The following DENND2B variants were observed in gnomAD, a reference collection of about 807,000 sequenced individuals.
The protein encoded by DENND2B is DENN domain containing 2B.
A neutral mutation model predicts 116.0 loss-of-function variants in DENND2B; 32 were observed. The ratio of observed to expected loss-of-function variants is 0.28; its 90% confidence interval spans 0.21 to 0.37. The LOEUF is 0.37. DENND2B is among the 10% of genes least tolerant of loss of function. The pLI, the probability that DENND2B is intolerant of heterozygous loss-of-function variation, is 1.00. For synonymous variants in DENND2B, 588 were observed against 583.9 expected (o/e 1.01, Z -0.10); for missense variants, 1,276 against 1,477.7 (o/e 0.86, Z 2.24).
intron 1 of DENND2B, among the ~76,000 whole-genome samples, chr11:8,794,424 C>G (rs1010981239): frequency 7.2e-5 from 11 of 152,206 alleles, no homozygotes; most frequent in African/African-American, 2.7e-4. Flanking sequence ...AGCACTGAGG[C>G]TACAGGAGCC....
upstream of DENND2B, among the ~76,000 whole-genome samples, chr11:8,874,434 C>A (rs867728916): frequency 6.6e-6 from 1 of 152,152 alleles, no homozygotes; most frequent in Non-Finnish European, 1.5e-5. Context: ...TATTTTAAAT[C>A]CTGCACTTAA....
At position 8,696,411 on chromosome 11, in the gene DENND2B, G is replaced by A; in HGVS notation, c.3292+16C>T. ...GGTGAAAAAATTAGAGAAGAGAGCT[G>A]ATAACCAAGACTTACCCTTTGCCCG... is the stretch of plus-strand genomic sequence containing the variant. On this transcript the variant is annotated intron_variant, in intron 18 of 19. Coordinates refer to ENST00000313726, the MANE Select transcript of DENND2B (RefSeq NM_213618.2). 6.2e-7 allele frequency: 1 copy of A among 1,613,050 alleles called. No individual in the cohort carries two copies. Among genetic ancestry groups the A allele is most frequent in the Admixed American group, 1.7e-5 (1 of 59,890 alleles).
intron 1 of DENND2B, among the ~76,000 whole-genome samples, chr11:8,751,383 A>G (rs937161626): frequency 1.3e-5 from 2 of 152,190 alleles, no homozygotes; most frequent in African/African-American, 4.8e-5. Flanking sequence ...AGGGAATAAA[A>G]GCAGGCTGCC....
intron 1 of DENND2B, among the ~76,000 whole-genome samples, chr11:8,804,547 C>CTTTTA (rs2060659115): frequency 1.5e-5 from 2 of 129,632 alleles, no homozygotes; most frequent in Admixed American, 1.6e-4. Context: ...GCAGCTACTT[C>CTTTTA]TTTTTTTTTT....
intron 1 of DENND2B, among the ~76,000 whole-genome samples, chr11:8,768,493 C>A (rs888865135): frequency 2.0e-5 from 3 of 152,128 alleles, no homozygotes; most frequent in Non-Finnish European, 2.9e-5. Flanking sequence ...AAGTGATCCT[C>A]CTGCCTCCCA....
chr11:8,805,232 A>G (rs10840128), intron 1 of DENND2B, among the ~76,000 whole-genome samples: 43,633 of 152,044 alleles, frequency 0.29, 6,940 homozygotes, highest in East Asian at 0.45. Flanking sequence ...TTAAATGCAA[A>G]TGGTTCCATC....
chr11:8,756,121 T>C (rs1276874378), intron 1 of DENND2B, among the ~76,000 whole-genome samples: 1 of 152,138 alleles, frequency 6.6e-6, no homozygotes, highest in Non-Finnish European at 1.5e-5. Context: ...AAAACAACAT[T>C]TGACCTGCTC....
intron 2 of DENND2B, among the ~76,000 whole-genome samples, chr11:8,750,336 C>A (rs1393189436): frequency 6.6e-6 from 1 of 152,216 alleles, no homozygotes; most frequent in African/African-American, 2.4e-5. Flanking sequence ...CTCTCCCCAC[C>A]ATGGGAAAAG....
At chr11:8,828,911 G>A (rs2062083370) in intron 4 of DENND2B, among the ~76,000 whole-genome samples, 1 of 152,050 alleles carries the variant, frequency 6.6e-6, no homozygotes, top group Admixed American at 6.6e-5. Context: ...AAGATGAAAG[G>A]AAGGAGGGAG....
chr11:8,710,731 T>C, intron 11 of DENND2B, 114 bp downstream of exon 11: 1 of 1,127,786 alleles, frequency 8.9e-7, no homozygotes, highest in Non-Finnish European at 1.3e-6. Context: ...TAGGATTTCA[T>C]ACAAGCTAAA....
intron 18 of DENND2B, chr11:8,695,989 G>T: frequency 4.1e-6 from 1 of 246,408 alleles, no homozygotes; most frequent in Non-Finnish European, 7.8e-6. Context: ...TGATGAAATA[G>T]CAAAAAACAA....
In DENND2B at chr11:8,707,921, T is replaced by G. The variant is rs1280893200; in HGVS notation, c.2353-67A>C. 7.7e-6 allele frequency: 12 copies of G among 1,559,628 alleles called. No individual in the cohort carries two copies. In the Admixed American group the frequency reaches 2.3e-4, roughly 30 times the overall value. On this transcript the variant is annotated intron_variant, in intron 11 of 19. Transcript: ENST00000313726. The surrounding 1 kb of genome is among the most constrained non-coding windows in gnomAD (Gnocchi z 4.8). ...AGAATGCATGATTACCATTTCTGGC[T>G]CCTTTTCCTTGGGAACGGAGGAGTA...
chr11:8,893,072 G>T (rs10840144), intron 1 of DENND2B, among the ~76,000 whole-genome samples: 2 of 152,050 alleles, frequency 1.3e-5, no homozygotes. Context: ...CTTCATCCCT[G>T]GGATGCAAGG....
chr11:8,851,078 T>C (rs1201318783), intron 3 of DENND2B, among the ~76,000 whole-genome samples: 5 of 152,028 alleles, frequency 3.3e-5, no homozygotes, highest in African/African-American at 4.8e-5. Flanking sequence ...TTCAGAGAGA[T>C]AGGAGGAATA....
intron 1 of DENND2B, among the ~76,000 whole-genome samples, chr11:8,767,681 C>T (rs534598849): frequency 2.6e-5 from 4 of 152,154 alleles, no homozygotes; most frequent in Non-Finnish European, 4.4e-5. Context: ...GTATTTTTTG[C>T]ACCTCCTACC....
intron 3 of DENND2B, among the ~76,000 whole-genome samples, chr11:8,841,056 G>A (rs561584750): frequency 1.3e-5 from 2 of 152,158 alleles, no homozygotes; most frequent in South Asian, 2.1e-4. Context: ...TTCCCAAACT[G>A]ACAAATATCA....
chr11:8,864,336 C>T (rs1405491405), intron 2 of DENND2B, among the ~76,000 whole-genome samples: 3 of 152,196 alleles, frequency 2.0e-5, no homozygotes, highest in East Asian at 1.9e-4. Context: ...GACACAATCT[C>T]GGCTCCCTAC....
At chr11:8,854,016 A>ATTTTTTTTTTTTTTTTTTTT (rs71059187) in intron 3 of DENND2B, among the ~76,000 whole-genome samples, 4 of 62,756 alleles carry the variant, frequency 6.4e-5, no homozygotes, top group African/African-American at 1.9e-4. Context: ...GCCCCAGTTA[A>ATTTTTTTTTTTTTTTTTTTT]TTTTTTTTTT....
intron 8 of DENND2B, among the ~76,000 whole-genome samples, chr11:8,713,676 G>A (rs933867824): frequency 4.6e-5 from 7 of 151,004 alleles, no homozygotes; most frequent in South Asian, 2.1e-4. Context: ...CACCGCGCCC[G>A]GCTGAGATCT....
Sources: allele counts gnomAD v4.1 joint callset (sites outside exome capture counted in the v4.1 genomes callset), GRCh38; gene constraint gnomAD v4.1.1; non-coding constraint Gnocchi (gnomAD v3.1); transcripts MANE v1.5; gene names NCBI Gene and HGNC (gene_info 2026-07-23, HGNC 2026-07-21).